Variants in RAB40B observed in about 807,000 individuals in gnomAD.
The protein encoded by RAB40B is RAB40B, member RAS oncogene family, also known as ras-related protein Rab-40B.
In RAB40B, 21 loss-of-function variants were observed where a neutral mutation model predicts 24.0. That is an observed-to-expected ratio of 0.88 (90% confidence interval 0.62 to 1.26). The LOEUF is 1.26. Ranked by LOEUF, RAB40B falls within the 50% of genes most tolerant of loss-of-function variation. The pLI is 0.00. For synonymous variants in RAB40B, 167 were observed against 169.8 expected, an observed-to-expected ratio of 0.98 and a Z score of 0.13; for missense variants, 348 against 390.5, an observed-to-expected ratio of 0.89 and a Z score of 0.92.
chr17:82,664,033 GAA>G (rs2046213274), intron 2 of RAB40B, among the ~76,000 whole-genome samples: 1 of 143,412 alleles, frequency 7.0e-6, no homozygotes, highest in African/African-American at 2.6e-5. Context: ...GGTGGTGGGG[GAA>G]GGGTGTTCCC....
chr17:82,668,816 T>C lies in RAB40B; in HGVS notation c.143-4260A>G, dbSNP rs528538357. On this transcript the variant is annotated intron_variant, in intron 1 of 5. Coordinates refer to ENST00000571995, the MANE Select transcript of RAB40B (RefSeq NM_006822.3). ...CCGCGGCACGCAGGGAAGGCGGAGC[T>C]GCTGCCTGATCCGTGGATCGAGAGG... 7.3e-4 allele frequency among the ~76,000 whole-genome samples: 111 copies of C among 152,318 alleles called. 1 individual carries two copies. The highest frequency in any genetic ancestry group is 2.4e-3 in the African/African-American group (100 of 41,552).
At chr17:82,673,041 T>A (rs542941586) in intron 1 of RAB40B, among the ~76,000 whole-genome samples, 2 of 152,092 alleles carry the variant, frequency 1.3e-5, no homozygotes, top group African/African-American at 4.8e-5. Context: ...TCATCTCTAC[T>A]AAAAATACAA....
chr17:82,660,840 G>T, intron 3 of RAB40B, 147 bp downstream of exon 3: 1 of 983,988 alleles, frequency 1.0e-6, no homozygotes, highest in South Asian at 1.7e-5. Flanking sequence ...CCACTCTACA[G>T]CACGTTTTTA....
intron 1 of RAB40B, among the ~76,000 whole-genome samples, chr17:82,681,828 T>C (rs928391303): frequency 6.6e-6 from 1 of 152,064 alleles, no homozygotes; most frequent in Non-Finnish European, 1.5e-5. Flanking sequence ...CAATACCTTT[T>C]CACAACAAAA....
intron 1 of RAB40B, among the ~76,000 whole-genome samples, chr17:82,679,916 C>A (rs1414540066): frequency 1.3e-5 from 2 of 152,348 alleles, no homozygotes; most frequent in Admixed American, 6.5e-5. Flanking sequence ...GGGAGGCTCA[C>A]GAAGAGACAT....
intron 1 of RAB40B, among the ~76,000 whole-genome samples, chr17:82,674,749 G>A (rs1348155121): frequency 1.3e-5 from 2 of 152,120 alleles, no homozygotes; most frequent in Admixed American, 6.5e-5. Context: ...CTCTGGCATC[G>A]CAGGCAACGT....
chr17:82,658,146 A>G lies in RAB40B; in HGVS notation c.566-12T>C, dbSNP rs777047317. On this transcript the variant is annotated splice_polypyrimidine_tract_variant and intron_variant, in intron 5 of 5. Coordinates refer to ENST00000571995, the MANE Select transcript of RAB40B (RefSeq NM_006822.3). ...TTGCAAGCTCAGCACTTGGGAGAGAAAAGATAAACCTTGCTTAGTGGATGT... is the reference window on the plus strand; with the variant it reads ...TTGCAAGCTCAGCACTTGGGAGAGAGAAGATAAACCTTGCTTAGTGGATGT... 1.8e-5 allele frequency: 29 copies of G among 1,611,188 alleles called. No homozygotes were observed. Among genetic ancestry groups the G allele is most frequent in the Non-Finnish European group, 2.5e-5 (29 of 1,178,522 alleles).
chr17:82,673,648 G>A (rs1056649759), intron 1 of RAB40B, among the ~76,000 whole-genome samples: 1 of 152,118 alleles, frequency 6.6e-6, no homozygotes, highest in African/African-American at 2.4e-5. Flanking sequence ...TTTTGAGATC[G>A]GCCGTAAACT....
chr17:82,661,163 C>T lies in RAB40B; in HGVS notation c.204-116G>A, dbSNP rs757436535. On this transcript the variant is annotated intron_variant, in intron 2 of 5. Transcript: ENST00000571995. ...CACACCCGCCAGTCAGCAGCCACCA[C>T]GCCGCCAGCGTGAGACCCCAACAAA... The T allele has an allele frequency of 3.3e-5, 49 of 1,497,214 alleles. No individual in the cohort carries two copies. In the East Asian group the frequency reaches 3.5e-4, roughly 11 times the overall value. 92.7% of individuals were successfully genotyped at this position (1,497,214 alleles called of 1,614,324 possible).
At chr17:82,677,883 C>T (rs987110607) in intron 1 of RAB40B, among the ~76,000 whole-genome samples, 112 of 152,354 alleles carry the variant, frequency 7.4e-4, no homozygotes, top group Non-Finnish European at 2.5e-4. Flanking sequence ...CAGCCCAGAA[C>T]GTCTGGACAC....
chr17:82,690,908 C>T (rs917827999), intron 1 of RAB40B, among the ~76,000 whole-genome samples: 9 of 152,274 alleles, frequency 5.9e-5, no homozygotes, highest in Non-Finnish European at 1.0e-4. Flanking sequence ...GGAGTGGGCA[C>T]GCATGTCCCA....
chr17:82,698,402 G>T, intron 1 of RAB40B, 53 bp downstream of exon 1: 6 of 210,364 alleles, frequency 2.9e-5, no homozygotes, highest in Non-Finnish European at 3.3e-5. Context: ...CCAGCCCCGC[G>T]CCCCTCCCCG....
rs914410427 is a variant in RAB40B, at chr17:82,667,706, C to G, written c.143-3150G>C. Among the ~76,000 whole-genome samples, 152 of 152,242 alleles carry G rather than the reference C, an allele frequency of 1.0e-3. 1 individual carries two copies. The highest frequency in any genetic ancestry group is 3.4e-3 in the Middle Eastern group (1 of 294). On this transcript the variant is annotated intron_variant, in intron 1 of 5. Coordinates refer to ENST00000571995, the MANE Select transcript of RAB40B (RefSeq NM_006822.3). This position sits in a 1 kb window ranked among gnomAD's most constrained non-coding sequence, Gnocchi z 4.3. ...AGACCAAGCAACACCAGAGCAAACT[C>G]CCCCCGTCAGAGGAGAGTGATTCAG...
At chr17:82,690,906 C>T (rs991984333) in intron 1 of RAB40B, among the ~76,000 whole-genome samples, 7 of 152,174 alleles carry the variant, frequency 4.6e-5, no homozygotes, top group Non-Finnish European at 8.8e-5. Flanking sequence ...ATGGAGTGGG[C>T]ACGCATGTCC....
At chr17:82,658,965 A>G (rs2046125381) in intron 4 of RAB40B, 2 of 486,286 alleles carry the variant, frequency 4.1e-6, no homozygotes. Flanking sequence ...GGAGGAGGCC[A>G]TGTTACGCGA....
rs188131429 is a variant in RAB40B at position 82,677,359 on chromosome 17, A to G, written c.143-12803T>C. Among the ~76,000 whole-genome samples the G allele has an allele frequency of 2.0e-3, 309 of 152,346 alleles. 1 individual carries two copies. The highest frequency in any genetic ancestry group is 6.4e-3 in the African/African-American group (268 of 41,578). On this transcript the variant is annotated intron_variant, in intron 1 of 5. Coordinates refer to ENST00000571995, the MANE Select transcript of RAB40B (RefSeq NM_006822.3). ...TCAGCCCATCGTAAAAGCTCATTAC[A>G]ATGAGATTCCCCTCAGAAAGAGCTA...
At chr17:82,676,791 A>G (rs2046398974) in intron 1 of RAB40B, among the ~76,000 whole-genome samples, 1 of 150,632 alleles carries the variant, frequency 6.6e-6, no homozygotes, top group Admixed American at 6.6e-5. Flanking sequence ...TCACACCTGG[A>G]TAATTTTTTA....
chr17:82,686,840 C>T (rs983905938), intron 1 of RAB40B, among the ~76,000 whole-genome samples: 3 of 152,248 alleles, frequency 2.0e-5, no homozygotes, highest in African/African-American at 7.2e-5. Flanking sequence ...CACCTTCCTC[C>T]ACGTTCCTCC....
intron 1 of RAB40B, among the ~76,000 whole-genome samples, chr17:82,689,427 G>C (rs964020695): frequency 2.0e-5 from 3 of 152,238 alleles, no homozygotes; most frequent in Non-Finnish European, 4.4e-5. Context: ...CTTGCTTTGA[G>C]CCTCTCCCAG....
Sources: gnomAD v4.1 joint callset for allele counts (sites outside exome capture counted in the v4.1 genomes callset) on GRCh38, gnomAD v4.1.1 for gene constraint, Gnocchi (gnomAD v3.1) non-coding constraint, MANE v1.5 for transcripts, NCBI Gene and HGNC (gene_info 2026-07-23, HGNC 2026-07-21) for gene names.